ATP8B1: variants seen among roughly 807,000 people sequenced by gnomAD.
ATP8B1 encodes phospholipid-transporting ATPase IC.
ATP8B1 carries 80 observed loss-of-function variants against 149.9 expected under a neutral mutation model. The ratio of observed to expected loss-of-function variants is 0.53; its 90% CI spans 0.45 to 0.64. The LOEUF is 0.64. Among genes scored for constraint, ATP8B1 ranks in the 30% least tolerant of loss-of-function variants. The pLI, the probability that ATP8B1 is intolerant of heterozygous loss-of-function variation, is 0.00. For missense variants in ATP8B1, 1,247 were observed against 1,552.6 expected (o/e 0.80, Z 3.31); for synonymous variants, 536 against 562.8 (o/e 0.95, Z 0.67).
At chr18:57,790,395 G>T (rs139579007) in intron 1 of ATP8B1, among the ~76,000 whole-genome samples, 1 of 146,218 alleles carries the variant, frequency 6.8e-6, no homozygotes, top group African/African-American at 2.5e-5. Flanking sequence ...ACATCACGCC[G>T]CTGCTTAAAA....
chr18:57,672,145 A>G (rs374209708), intron 16 of ATP8B1, among the ~76,000 whole-genome samples: 1 of 152,142 alleles, frequency 6.6e-6, no homozygotes, highest in African/African-American at 2.4e-5. Context: ...CTTCCAACAA[A>G]TATTTACTGA....
Position 57,661,006 on chromosome 18 carries a change from TG to T in ATP8B1, c.2707+167del, listed in dbSNP as rs1156346767. 2.6e-5 allele frequency among the ~76,000 whole-genome samples: 4 copies of T among 152,206 alleles called. No individual in the cohort carries two copies. The South Asian group carries it at 6.2e-4, about 24-fold the overall frequency. ...TCCTCCTGATGGGCTGTGGGCTTTCTGGGGGTAGGGTCACAGGCGTTGTCAT... is the reference window on the plus strand; with the variant it reads ...TCCTCCTGATGGGCTGTGGGCTTTCTGGGGTAGGGTCACAGGCGTTGTCAT... On this transcript the variant is annotated intron_variant, in intron 22 of 27. Coordinates refer to ENST00000648908, the MANE Select transcript of ATP8B1 (RefSeq NM_001374385.1).
At chr18:57,710,332 C>T (rs1221138028) in intron 2 of ATP8B1, among the ~76,000 whole-genome samples, 1 of 152,102 alleles carries the variant, frequency 6.6e-6, no homozygotes, top group East Asian at 1.9e-4. Flanking sequence ...TAAAGTCACC[C>T]TGAGTCTACT....
intron 1 of ATP8B1, among the ~76,000 whole-genome samples, chr18:57,763,981 G>A (rs1490931556): frequency 6.6e-6 from 1 of 152,198 alleles, no homozygotes; most frequent in African/African-American, 2.4e-5. Context: ...CATGGGACAG[G>A]TAAAGCTCTG....
chr18:57,728,952 T>C (rs1040397257), intron 2 of ATP8B1, among the ~76,000 whole-genome samples: 4 of 151,988 alleles, frequency 2.6e-5, no homozygotes, highest in Non-Finnish European at 5.9e-5. Flanking sequence ...ACTCCTGACC[T>C]CAGGCGATTC....
intron 1 of ATP8B1, chr18:57,740,456 A>G (rs948675514): frequency 3.3e-5 from 5 of 152,046 alleles, no homozygotes; most frequent in Non-Finnish European, 7.4e-5. Flanking sequence ...TTCCATACTA[A>G]ATATAAATTA....
chr18:57,648,478 G>A lies in ATP8B1; in HGVS notation c.*10C>T, dbSNP rs147298165. ...GCTTTGTGGCCGCATCCCAGCCTGG[G>A]GGTAAGGGATCAGCTGTCCCCGGTG... On this transcript the variant is annotated 3_prime_UTR_variant, in exon 28 of 28. Coordinates refer to ENST00000648908, the MANE Select transcript of ATP8B1 (RefSeq NM_001374385.1). The A allele has an allele frequency of 3.2e-4, 509 of 1,610,990 alleles. 3 individuals are homozygous for A. The African/African-American group carries it at 6.0e-3, about 19-fold the overall frequency.
At chr18:57,668,201 G>T (rs1032098021) in intron 19 of ATP8B1, 2 of 1,441,528 alleles carry the variant, frequency 1.4e-6, no homozygotes, top group African/African-American at 1.4e-5. Flanking sequence ...GCAAGACATG[G>T]CCAGGAGCTA....
intron 2 of ATP8B1, among the ~76,000 whole-genome samples, chr18:57,714,714 CT>C (rs2123033804): frequency 6.6e-6 from 1 of 152,276 alleles, no homozygotes; most frequent in Non-Finnish European, 1.5e-5. Context: ...TCCAGATAGT[CT>C]GCAAGAAATG....
chr18:57,713,237 TTCC>T (rs1568207635), intron 2 of ATP8B1, among the ~76,000 whole-genome samples: 95 of 130,912 alleles, frequency 7.3e-4, no homozygotes, highest in African/African-American at 2.7e-3. Context: ...CCTTCCTTCC[TTCC>T]TTCTTTCTTT....
intron 21 of ATP8B1, among the ~76,000 whole-genome samples, chr18:57,661,695 A>ACACG (rs1910438248): frequency 1.1e-5 from 1 of 89,542 alleles, no homozygotes; most frequent in African/African-American, 4.4e-5. Context: ...ACACACACAC[A>ACACG]CATATATATA....
At chr18:57,744,408 T>C (rs1391476550) in intron 1 of ATP8B1, among the ~76,000 whole-genome samples, 1 of 151,970 alleles carries the variant, frequency 6.6e-6, no homozygotes, top group African/African-American at 2.4e-5. Flanking sequence ...TGCCATTCTT[T>C]TGTCTAGAAA....
At chr18:57,666,692 C>T (rs1910881215) in intron 20 of ATP8B1, among the ~76,000 whole-genome samples, 1 of 152,072 alleles carries the variant, frequency 6.6e-6, no homozygotes, top group Admixed American at 6.6e-5. Flanking sequence ...CCGGGCACCA[C>T]ACCCAGCTAA....
At chr18:57,718,103 T>TAAAAA (rs59629558) in intron 2 of ATP8B1, among the ~76,000 whole-genome samples, 7 of 31,796 alleles carry the variant, frequency 2.2e-4, no homozygotes, top group Admixed American at 8.0e-4. Context: ...CTGGACTAAC[T>TAAAAA]AAAAAAAAAA....
intron 4 of ATP8B1, among the ~76,000 whole-genome samples, chr18:57,704,318 G>A (rs1913279241): frequency 6.6e-6 from 1 of 152,118 alleles, no homozygotes; most frequent in African/African-American, 2.4e-5. Context: ...ACCCATATCA[G>A]TATAACATGA....
At chr18:57,661,109 A>T in intron 22 of ATP8B1, 65 bp downstream of exon 22, 9 of 1,587,658 alleles carry the variant, frequency 5.7e-6, no homozygotes, top group Non-Finnish European at 7.7e-6. Context: ...TCCACCCCCT[A>T]CACATTCCAG....
At position 57,669,021 on chromosome 18, in the gene ATP8B1, G is replaced by C. The variant is rs75165055; in HGVS notation, c.2097+297C>G. 43,588 of 240,750 alleles carry C rather than the reference G, an allele frequency of 0.18. 4,289 individuals are homozygous for C. The highest frequency in any genetic ancestry group is 0.21 in the Non-Finnish European group (26,486 of 126,950). The allele number at this position is 240,750 out of a possible 1,614,324, so 14.9% of individuals were successfully genotyped here. On this transcript the variant is annotated intron_variant, in intron 18 of 27. Coordinates refer to ENST00000648908, the MANE Select transcript of ATP8B1 (RefSeq NM_001374385.1). ...AATTCCCCCAATGTAATAAGTATTA[G>C]ATGCAGGTTTGTTATTGTTTAAAAA...
intron 2 of ATP8B1, among the ~76,000 whole-genome samples, chr18:57,707,947 A>T (rs1052340083): frequency 1.3e-5 from 2 of 151,020 alleles, no homozygotes; most frequent in African/African-American, 2.4e-5. Flanking sequence ...ACTTGAGGTC[A>T]GGAGTTCAAA....
At chr18:57,674,763 G>T in intron 16 of ATP8B1, 71 bp downstream of exon 16, 2 of 1,529,512 alleles carry the variant, frequency 1.3e-6, no homozygotes, top group Non-Finnish European at 1.8e-6. Flanking sequence ...TTATCCTGAT[G>T]CCACTCAATA....
Sources: gnomAD v4.1 joint callset for allele counts (sites outside exome capture counted in the v4.1 genomes callset) on GRCh38, gnomAD v4.1.1 for gene constraint, MANE v1.5 for transcripts, NCBI Gene and HGNC (gene_info 2026-07-23, HGNC 2026-07-21) for gene names.